FAM193B: variants seen among roughly 807,000 people sequenced by gnomAD.
FAM193B encodes the protein family with sequence similarity 193 member B, also known as protein FAM193B.
Under a neutral mutation model 70.7 loss-of-function variants are expected in FAM193B, and 27 were observed. The ratio of observed to expected loss-of-function variants is 0.38; its 90% CI spans 0.28 to 0.53. FAM193B has a LOEUF of 0.53. Ranked by LOEUF, FAM193B falls within the 20% of genes least tolerant of loss-of-function variation. The pLI is 0.81. For synonymous variants in FAM193B, 448 were observed against 436.0 expected (o/e 1.03, Z -0.34); for missense variants, 1,022 against 1,072.5 (o/e 0.95, Z 0.66).
At chr5:177,523,783 G>A (rs1219389541) in intron 7 of FAM193B, among the ~76,000 whole-genome samples, 174 bp downstream of exon 7, 1 of 152,262 alleles carries the variant, frequency 6.6e-6, no homozygotes, top group Admixed American at 6.5e-5. Context: ...CAGTGGCTCC[G>A]TGGGTTTTCA....
chr5:177,528,325 A>G (rs993409424), intron 5 of FAM193B, among the ~76,000 whole-genome samples: 2 of 152,204 alleles, frequency 1.3e-5, no homozygotes, highest in East Asian at 3.9e-4. Flanking sequence ...TAATGGGTGG[A>G]AGGGAAGACA....
intron 1 of FAM193B, 40 bp downstream of exon 1, chr5:177,554,208 GA>G: frequency 6.7e-7 from 1 of 1,488,048 alleles, no homozygotes; most frequent in Non-Finnish European, 8.9e-7. Context: ...CGGGGAAGGT[GA>G]AAGCGCCCGA....
At position 177,523,979 on chromosome 5, in the gene FAM193B, G is replaced by A. The variant is rs771782220; in HGVS notation, c.2350C>T (p.Arg784Ter). The A allele has an allele frequency of 2.5e-6, 4 of 1,614,002 alleles. No individual in the cohort carries two copies. The highest frequency in any genetic ancestry group is 3.4e-6 in the Non-Finnish European group (4 of 1,179,890). Residue 784 changes from arginine to a stop codon, truncating the protein, a stop_gained, in exon 7 of 9, where the codon CGA becomes TGA. Coordinates refer to ENST00000514747, the MANE Select transcript of FAM193B (RefSeq NM_001190946.3). LOFTEE classifies it high-confidence loss of function. ...TACCTCTTAAAGTACTCCACCTCTC[G>A]GTCAGTCTCATCCATCTCCACCCCG... ...MDGVEMDETD[R>*]EVEYFKRFCL... is the part of the protein sequence containing the mutation.
intron 5 of FAM193B, among the ~76,000 whole-genome samples, chr5:177,526,751 G>A (rs1448749623): frequency 2.0e-5 from 3 of 152,214 alleles, no homozygotes; most frequent in African/African-American, 7.2e-5. Context: ...ACAGGAGGAG[G>A]AGGTGGCTAG....
chr5:177,552,778 G>A (rs1766450707), intron 1 of FAM193B, among the ~76,000 whole-genome samples: 1 of 152,206 alleles, frequency 6.6e-6, no homozygotes, highest in East Asian at 1.9e-4. Flanking sequence ...TGGAGCTTCT[G>A]ACACTCAGTA....
intron 5 of FAM193B, chr5:177,531,261 C>T (rs756598146): frequency 7.9e-7 from 1 of 1,262,040 alleles, no homozygotes; most frequent in Admixed American, 2.7e-5. Context: ...GACGGCAGAG[C>T]TGGGCTCTCC....
chr5:177,530,492 T>G (rs926409243), intron 5 of FAM193B, among the ~76,000 whole-genome samples: 1 of 152,200 alleles, frequency 6.6e-6, no homozygotes, highest in Non-Finnish European at 1.5e-5. Flanking sequence ...AATCCCTCTC[T>G]TCTTCTCTGG....
intron 1 of FAM193B, among the ~76,000 whole-genome samples, chr5:177,551,279 T>G (rs1042065335): frequency 4.6e-5 from 7 of 151,824 alleles, no homozygotes; most frequent in Admixed American, 1.3e-4. Flanking sequence ...ATTTTTTTTT[T>G]TGTTTGTTTT....
chr5:177,533,288 C>G (rs1763759459), intron 4 of FAM193B, among the ~76,000 whole-genome samples: 2 of 151,910 alleles, frequency 1.3e-5, no homozygotes, highest in Admixed American at 1.3e-4. Flanking sequence ...ACTGTTTGTG[C>G]CAGGTTCTAG....
chr5:177,527,533 GCC>G (rs1473771335), intron 5 of FAM193B, among the ~76,000 whole-genome samples: 1 of 152,228 alleles, frequency 6.6e-6, no homozygotes, highest in Admixed American at 6.5e-5. Context: ...TGCCACAGCA[GCC>G]CCACTGCCTG....
rs758896555 is a variant in FAM193B, at chr5:177,524,394, C to T, written c.2087G>A (p.Ser696Asn). Reference protein sequence around the residue: ...CAEAGEGSRGSRPGPGWAGSP... With the variant: ...CAEAGEGSRGNRPGPGWAGSP... ...GCCAGCCCAACCTGGTCCTGGCCGG[C>T]TCCCCCGGCTCCCCTCTCCAGCCTC... The change falls in exon 6 of 9, where the codon AGC (serine) becomes AAC (asparagine). Residue 696 changes from serine to asparagine, a missense_variant. Transcript: ENST00000514747. 5.1e-6 allele frequency: 8 copies of T among 1,571,078 alleles called. No homozygotes were observed. In the African/African-American group the frequency reaches 8.2e-5, roughly 16 times the overall value.
rs116293002 is a variant in FAM193B, at chr5:177,524,913, G to A, written c.1568C>T (p.Ser523Phe). ...GTTGATGTCAGGCTGCTGCTCTGAG[G>A]AGCCACTGAGGTTTGAGGGGGGTAG... is the stretch of plus-strand genomic sequence containing the variant. ...QSLPPSNLSG[S>F]SEQQPDINLD... Residue 523 changes from serine (S) to phenylalanine (F), a missense_variant, in exon 6 of 9, where the codon TCC becomes TTC. By Grantham distance (155) the Ser-to-Phe change is radical. Transcript: ENST00000514747. The A allele has an allele frequency of 0.015, 22,180 of 1,508,668 alleles. 203 individuals are homozygous for A. The highest frequency in any genetic ancestry group is 0.016 in the Non-Finnish European group (18,327 of 1,130,154). 93.5% of individuals were successfully genotyped at this position (1,508,668 alleles called of 1,614,324 possible). A position where few individuals can be genotyped will look rare whatever the true frequency, so the allele number is the denominator to read the frequency against.
intron 1 of FAM193B, among the ~76,000 whole-genome samples, chr5:177,550,155 A>T (rs79715747): frequency 7.1e-6 from 1 of 140,792 alleles, no homozygotes; most frequent in Non-Finnish European, 1.5e-5. Context: ...TCTCTAAATT[A>T]AAAAAAAAAA....
intron 1 of FAM193B, among the ~76,000 whole-genome samples, chr5:177,552,513 T>A (rs1201310518): frequency 6.6e-6 from 1 of 152,266 alleles, no homozygotes; most frequent in Non-Finnish European, 1.5e-5. Flanking sequence ...CTTTTTGGCA[T>A]CTCTATGTGG....
intron 1 of FAM193B, among the ~76,000 whole-genome samples, chr5:177,540,689 T>A (rs1764748011): frequency 6.6e-6 from 1 of 152,130 alleles, no homozygotes; most frequent in Admixed American, 6.6e-5. Context: ...CAGAGAAACA[T>A]GAGTGAGCCC....
chr5:177,522,148 G>A (rs957944179), intron 7 of FAM193B, 77 bp from the exon 8 acceptor site: 7 of 1,168,718 alleles, frequency 6.0e-6, no homozygotes, highest in Non-Finnish European at 7.6e-6. Context: ...AAGGTACCAT[G>A]TCCCCATCAC....
chr5:177,526,911 C>A (rs1762699753), intron 5 of FAM193B, among the ~76,000 whole-genome samples: 1 of 152,212 alleles, frequency 6.6e-6, no homozygotes, highest in South Asian at 2.1e-4. Flanking sequence ...ACATTCTCTG[C>A]CTCGCTGACT....
intron 8 of FAM193B, 115 bp from the exon 9 acceptor site, chr5:177,520,296 T>A (rs1172177325): frequency 6.6e-6 from 1 of 152,376 alleles, no homozygotes; most frequent in African/African-American, 2.4e-5. Context: ...CTGCTATTTT[T>A]GTTCCCTGGG....
chr5:177,521,908 G>A (rs1432020113), intron 8 of FAM193B, 66 bp downstream of exon 8: 1 of 1,251,256 alleles, frequency 8.0e-7, no homozygotes, highest in African/African-American at 1.5e-5. Flanking sequence ...ATGGTCTGGT[G>A]AGCGTACAGA....
Sources: gnomAD v4.1 joint callset for allele counts (sites outside exome capture counted in the v4.1 genomes callset) on GRCh38, gnomAD v4.1.1 for gene constraint, MANE v1.5 for transcripts, NCBI Gene and HGNC (gene_info 2026-07-23, HGNC 2026-07-21) for gene names.